Variants in FBXO30 observed in about 807,000 individuals in gnomAD.
The protein encoded by FBXO30 is F-box only protein 30.
Under a neutral mutation model 58.1 loss-of-function variants are expected in FBXO30, and 21 were observed. The observed-to-expected ratio is 0.36, with a 90% CI of 0.26 to 0.52. The LOEUF (loss-of-function observed/expected upper bound fraction) is 0.52. FBXO30 is among the 20% of genes least tolerant of loss of function. FBXO30 has a pLI of 0.93. For missense variants in FBXO30, 744 were observed against 897.3 expected, an observed-to-expected ratio of 0.83 and a Z score of 2.18; for synonymous variants, 309 against 312.4, an observed-to-expected ratio of 0.99 and a Z score of 0.11.
chr6:145,812,186 G>A (rs573830353), intron 1 of FBXO30, among the ~76,000 whole-genome samples: 100 of 151,994 alleles, frequency 6.6e-4, no homozygotes, highest in African/African-American at 2.3e-3. Flanking sequence ...CTAATTATAT[G>A]GACTTTTTTC....
chr6:145,800,402 T>C, intron 2 of FBXO30, 93 bp from the exon 3 acceptor site: 7 of 948,876 alleles, frequency 7.4e-6, no homozygotes, highest in Admixed American at 4.8e-5. Context: ...TCTGCTATTA[T>C]AGAAGCATCC....
chr6:145,809,226 C>A (rs944605811), intron 1 of FBXO30, among the ~76,000 whole-genome samples: 1 of 152,118 alleles, frequency 6.6e-6, no homozygotes, highest in Non-Finnish European at 1.5e-5. Context: ...ATTAACCAGA[C>A]ATTTAAAGAA....
chr6:145,802,474 C>T (rs772697335), intron 2 of FBXO30, among the ~76,000 whole-genome samples: 7 of 151,856 alleles, frequency 4.6e-5, no homozygotes, highest in African/African-American at 7.3e-5. Flanking sequence ...AAAGACTTAA[C>T]GCAAGAAAAA....
chr6:145,811,103 G>T (rs972573824), intron 1 of FBXO30, among the ~76,000 whole-genome samples: 1 of 152,150 alleles, frequency 6.6e-6, no homozygotes, highest in Non-Finnish European at 1.5e-5. Context: ...TAAGCTCCAT[G>T]AAAGTCAGAA....
intron 2 of FBXO30, 76 bp downstream of exon 2, chr6:145,804,296 T>C (rs1035113022): frequency 9.5e-6 from 12 of 1,257,898 alleles, no homozygotes; most frequent in African/African-American, 3.0e-5. Flanking sequence ...CTCAACAAGA[T>C]ATTAATTGTA....
In FBXO30 at chr6:145,805,893, T is replaced by C. The variant is rs6914746; in HGVS notation, c.513A>G (p.Leu171=). The C allele has an allele frequency of 0.028, 45,834 of 1,613,930 alleles. 3,212 individuals carry two copies. Among genetic ancestry groups the C allele is most frequent in the African/African-American group, 0.27 (20,412 of 74,934 alleles). Residue 171 remains leucine (L), a synonymous_variant, in exon 2 of 3, where the codon TTA becomes TTG. Coordinates refer to ENST00000237281, the MANE Select transcript of FBXO30 (RefSeq NM_032145.5). Reference sequence around the variant, plus strand: ...CATAAGATTCTTCATCAACAGACACTAAACCATTAGCATGTGGTATTTCTG... The same window carrying C: ...CATAAGATTCTTCATCAACAGACACCAAACCATTAGCATGTGGTATTTCTG... The part of the protein sequence containing the change: ...SVPEIPHANG[L]VSVDEESYGA...
rs894909173 is a variant in FBXO30, at chr6:145,794,717, C to T, written c.*5389G>A. On this transcript the variant is annotated 3_prime_UTR_variant, in exon 3 of 3. Coordinates refer to ENST00000237281, the MANE Select transcript of FBXO30 (RefSeq NM_032145.5). ...TTTGATTTATTTCAATCAAATAACA[C>T]GGTTAAACCTGAATGCTGATACTTG... 15 of 151,850 alleles carry T rather than the reference C, an allele frequency of 9.9e-5. No homozygotes were observed. Among genetic ancestry groups the T allele is most frequent in the East Asian group, 7.7e-4 (4 of 5,180 alleles). The allele number at this position is 151,850 out of a possible 1,614,324, so 9.4% of individuals were successfully genotyped here.
Position 145,814,633 on chromosome 6 carries a change from C to T in FBXO30, c.-47G>A, listed in dbSNP as rs1313340750. ...GGCGCGGCCGAACCGCGGCCCAGGC[C>T]CTAGCTGCCCTGGACGCCGTGCCCA... On this transcript the variant is annotated 5_prime_UTR_variant, in exon 1 of 3. Transcript: ENST00000237281. 2 of 152,116 alleles carry T rather than the reference C, an allele frequency of 1.3e-5. No homozygotes were observed. Among genetic ancestry groups the T allele is most frequent in the African/African-American group, 4.8e-5 (2 of 41,430 alleles). 9.4% of individuals were successfully genotyped at this position (152,116 alleles called of 1,614,324 possible).
chr6:145,809,860 C>T (rs1436539291), intron 1 of FBXO30: 1 of 152,164 alleles, frequency 6.6e-6, no homozygotes, highest in Non-Finnish European at 1.5e-5. Flanking sequence ...TATGTTCTAG[C>T]TCCACGTCTG....
intron 1 of FBXO30, among the ~76,000 whole-genome samples, chr6:145,807,855 C>T (rs181764384): frequency 1.3e-5 from 2 of 152,076 alleles, no homozygotes; most frequent in Admixed American, 6.6e-5. Flanking sequence ...ATAATAGTCA[C>T]GGTGGCTCAA....
rs1777911959 is a variant in FBXO30, at chr6:145,798,563, A to C, written c.*1543T>G. 1.3e-5 allele frequency: 2 copies of C among 152,498 alleles called. No homozygotes were observed. The highest frequency in any genetic ancestry group is 4.8e-5 in the African/African-American group (2 of 41,434). 9.4% of individuals were successfully genotyped at this position (152,498 alleles called of 1,614,324 possible). ...GTTTATTCAATCTCACAGTTGAAAAAGAAATTTTAAGCACTGAGAAATAAG... is the reference window on the plus strand; with the variant it reads ...GTTTATTCAATCTCACAGTTGAAAACGAAATTTTAAGCACTGAGAAATAAG... On this transcript the variant is annotated 3_prime_UTR_variant, in exon 3 of 3. Transcript: ENST00000237281.
Position 145,798,895 on chromosome 6 carries a change from A to T in FBXO30, c.*1211T>A, listed in dbSNP as rs1777918969. On this transcript the variant is annotated 3_prime_UTR_variant, in exon 3 of 3. Coordinates refer to ENST00000237281, the MANE Select transcript of FBXO30 (RefSeq NM_032145.5). ...TACTTAAGACAAATTATTTAAGTAT[A>T]TATTCCCACCTTTGCAATTTATTTC... 1 of 152,100 alleles carries T rather than the reference A, an allele frequency of 6.6e-6. No individual in the cohort carries two copies. The highest frequency in any genetic ancestry group is 1.5e-5 in the Non-Finnish European group (1 of 67,978). The allele number at this position is 152,100 out of a possible 1,614,324, so 9.4% of individuals were successfully genotyped here. A position where few individuals can be genotyped will look rare whatever the true frequency, so the allele number is the denominator to read the frequency against.
chr6:145,798,239 CAAAG>C lies in FBXO30; in HGVS notation c.*1863_*1866del, dbSNP rs1470765054. The C allele has an allele frequency of 2.0e-5, 3 of 151,524 alleles. No individual in the cohort carries two copies. The highest frequency in any genetic ancestry group is 6.6e-5 in the Admixed American group (1 of 15,198). The allele number at this position is 151,524 out of a possible 1,614,324, so 9.4% of individuals were successfully genotyped here. ...TATTAGAACTTGAACAAATGTTTCACAAAGAAAACATTTTAACAAAATGGTATGG... is the reference window on the plus strand; with the variant it reads ...TATTAGAACTTGAACAAATGTTTCACAAAACATTTTAACAAAATGGTATGG... On this transcript the variant is annotated 3_prime_UTR_variant, in exon 3 of 3. Transcript: ENST00000237281.
In FBXO30 at chr6:145,800,406, A is replaced by G. The variant is rs917141505; in HGVS notation, c.2035-97T>C. 2.3e-5 allele frequency: 21 copies of G among 900,960 alleles called. No individual in the cohort carries two copies. In the East Asian group the frequency reaches 3.8e-4, roughly 17 times the overall value. The allele number at this position is 900,960 out of a possible 1,614,324, so 55.8% of individuals were successfully genotyped here. On this transcript the variant is annotated intron_variant, in intron 2 of 2. Coordinates refer to ENST00000237281, the MANE Select transcript of FBXO30 (RefSeq NM_032145.5). ...CTGCATACATTTCTGCTATTATAGA[A>G]GCATCCAATATAAAGTTTCAAATAG...
At chr6:145,813,321 A>T (rs565012937) in intron 1 of FBXO30, among the ~76,000 whole-genome samples, 2,603 of 135,298 alleles carry the variant, frequency 0.019, 29 homozygotes, top group Middle Eastern at 0.043. Flanking sequence ...TTCCAGAATT[A>T]AAAAAAAAAA....
chr6:145,800,416 A>G (rs1777960735), intron 2 of FBXO30, 107 bp from the exon 3 acceptor site: 1 of 816,178 alleles, frequency 1.2e-6, no homozygotes, highest in Admixed American at 2.9e-5. Flanking sequence ...AGCATCCAAT[A>G]TAAAGTTTCA....
At chr6:145,800,782 A>G (rs866775277) in intron 2 of FBXO30, among the ~76,000 whole-genome samples, 15 of 152,136 alleles carry the variant, frequency 9.9e-5, no homozygotes, top group Admixed American at 9.8e-4. Flanking sequence ...GTACTAAAAA[A>G]TACCCTAGAA....
chr6:145,813,571 C>G (rs1778394535), intron 1 of FBXO30, among the ~76,000 whole-genome samples: 2 of 152,176 alleles, frequency 1.3e-5, no homozygotes, highest in Non-Finnish European at 2.9e-5. Flanking sequence ...CTTTGGAAAA[C>G]CTTAGTATGA....
Position 145,805,394 on chromosome 6 carries a change from T to G in FBXO30, c.1012A>C (p.Arg338=). 1.2e-6 allele frequency: 2 copies of G among 1,614,036 alleles called. No homozygotes were observed. Among genetic ancestry groups the G allele is most frequent in the South Asian group, 1.1e-5 (1 of 91,084 alleles). ...SSSLAVAAQL[R]EIIPSSALPN... Reference sequence around the variant, plus strand: ...AAAGCACTGGATGGTATTATTTCCCTAAGTTGTGCTGCCACCGCAAGTGAG... The same window carrying G: ...AAAGCACTGGATGGTATTATTTCCCGAAGTTGTGCTGCCACCGCAAGTGAG... The change falls in exon 2 of 3, where the codon AGG becomes CGG. Residue 338 remains arginine, a synonymous_variant. Coordinates refer to ENST00000237281, the MANE Select transcript of FBXO30 (RefSeq NM_032145.5).
Sources: gnomAD v4.1 joint callset for allele counts (sites outside exome capture counted in the v4.1 genomes callset) on GRCh38, gnomAD v4.1.1 for gene constraint, MANE v1.5 for transcripts, NCBI Gene and HGNC (gene_info 2026-07-23, HGNC 2026-07-21) for gene names.